Variants in AJAP1 observed in about 807,000 individuals in gnomAD.
The protein encoded by AJAP1 is adherens junction-associated protein 1.
AJAP1 carries 5 observed loss-of-function variants against 35.0 expected under a neutral mutation model. That is an observed-to-expected ratio of 0.14 (90% CI 0.07 to 0.30). AJAP1 has a LOEUF of 0.30. AJAP1 is among the 10% of genes least tolerant of loss of function. The pLI is 1.00. For synonymous variants in AJAP1, 284 were observed against 249.3 expected, an observed-to-expected ratio of 1.14 and a Z score of -1.31; for missense variants, 586 against 571.0, an observed-to-expected ratio of 1.03 and a Z score of -0.27.
intron 1 of AJAP1, among the ~76,000 whole-genome samples, chr1:4,710,717 G>T (rs1640211450): frequency 6.6e-6 from 1 of 152,252 alleles, no homozygotes; most frequent in Non-Finnish European, 1.5e-5. Context: ...CGTGAGGCTG[G>T]TGACGAGAAC....
chr1:4,715,455 G>A (rs987464107), intron 2 of AJAP1, among the ~76,000 whole-genome samples: 18 of 152,210 alleles, frequency 1.2e-4, no homozygotes, highest in Non-Finnish European at 2.2e-4. Context: ...AGGCTGAGGC[G>A]GATGGATCAC....
chr1:4,725,780 A>G (rs899007645), intron 2 of AJAP1, among the ~76,000 whole-genome samples: 1 of 152,088 alleles, frequency 6.6e-6, no homozygotes, highest in African/African-American at 2.4e-5. Context: ...CTTGGCTTGT[A>G]GACCCTGTCT....
chr1:4,689,606 G>A (rs1202458105), intron 1 of AJAP1, among the ~76,000 whole-genome samples: 2 of 152,224 alleles, frequency 1.3e-5, no homozygotes, highest in African/African-American at 4.8e-5. Context: ...AGCTCCGTGG[G>A]TGAGAAGCAC....
Position 4,788,790 on chromosome 1 carries a change from A to C in AJAP1, c.*6305A>C, listed in dbSNP as rs1642209310. 6.6e-6 allele frequency: 1 copy of C among 152,194 alleles called. No individual in the cohort carries two copies. The highest frequency in any genetic ancestry group is 6.5e-5 in the Admixed American group (1 of 15,276). The allele number at this position is 152,194 out of a possible 1,614,324, so 9.4% of individuals were successfully genotyped here. On this transcript the variant is annotated 3_prime_UTR_variant, in exon 6 of 6. Transcript: ENST00000378191. ...CAGTGACCCAAGTGATGTTAGTCTT[A>C]GGGTCCCTAAGGCAGTAGGGCATGG...
chr1:4,755,559 A>G (rs951843260), intron 2 of AJAP1, among the ~76,000 whole-genome samples: 2 of 151,474 alleles, frequency 1.3e-5, no homozygotes, highest in African/African-American at 2.4e-5. Context: ...CTGCCTGCCC[A>G]TGGACTCAGT....
chr1:4,769,359 C>G (rs1165964585), intron 2 of AJAP1, among the ~76,000 whole-genome samples: 1 of 152,176 alleles, frequency 6.6e-6, no homozygotes, highest in Non-Finnish European at 1.5e-5. Context: ...ACTGGCCCAT[C>G]CTGGCTCCCC....
chr1:4,721,731 G>T (rs1403250071), intron 2 of AJAP1, among the ~76,000 whole-genome samples: 1 of 152,160 alleles, frequency 6.6e-6, no homozygotes, highest in African/African-American at 2.4e-5. Flanking sequence ...AGAAAGAAAG[G>T]CCAGACTCTC....
chr1:4,693,758 C>T lies in AJAP1; in HGVS notation c.30-18142C>T, dbSNP rs932118927. ...GCTGGGGCTTCTTGCTGTGTAATCC[C>T]GTGGTGGAAGCAGGAGGGCAAGAGA... is the stretch of plus-strand genomic sequence containing the variant. On this transcript the variant is annotated intron_variant, in intron 1 of 5. Coordinates refer to ENST00000378191, the MANE Select transcript of AJAP1 (RefSeq NM_018836.4). The surrounding 1 kb of genome is among the most constrained non-coding windows in gnomAD (Gnocchi z 4.4). Among the ~76,000 whole-genome samples, 3 of 152,156 alleles carry T rather than the reference C, an allele frequency of 2.0e-5. No individual in the cohort carries two copies. The highest frequency in any genetic ancestry group is 2.9e-5 in the Non-Finnish European group (2 of 68,032).
intron 2 of AJAP1, among the ~76,000 whole-genome samples, chr1:4,716,114 G>A (rs1640383447): frequency 1.3e-5 from 2 of 152,234 alleles, no homozygotes; most frequent in Admixed American, 6.5e-5. Flanking sequence ...GTTGCTGGGT[G>A]CAGAGAGGAA....
intron 2 of AJAP1, among the ~76,000 whole-genome samples, chr1:4,739,179 C>A (rs1156957194): frequency 2.6e-5 from 4 of 152,190 alleles, no homozygotes; most frequent in Non-Finnish European, 5.9e-5. Flanking sequence ...CCTGGGGGTG[C>A]CCTTCCACAA....
rs1290839904 is a variant in AJAP1, at chr1:4,783,467, GTGTGTATATATATA to G, written c.*984_*997del. Reference sequence around the variant, plus strand: ...AAGAATGCCAAGGTTTTATATATGTGTGTGTATATATATATATATATATATATATATATATATAT... The same window carrying G: ...AAGAATGCCAAGGTTTTATATATGTGTATATATATATATATATATATATAT... On this transcript the variant is annotated 3_prime_UTR_variant, in exon 6 of 6. Coordinates refer to ENST00000378191, the MANE Select transcript of AJAP1 (RefSeq NM_018836.4). The G allele has an allele frequency of 2.9e-4, 9 of 31,364 alleles. No homozygotes were observed. Among genetic ancestry groups the G allele is most frequent in the African/African-American group, 2.1e-3 (9 of 4,316 alleles). 1.9% of individuals were successfully genotyped at this position (31,364 alleles called of 1,614,324 possible).
intron 2 of AJAP1, among the ~76,000 whole-genome samples, chr1:4,738,938 G>A (rs1342172337): frequency 6.6e-6 from 1 of 152,156 alleles, no homozygotes; most frequent in Non-Finnish European, 1.5e-5. Context: ...TGACCACTTA[G>A]GAGGAGAAGG....
rs1412411551 is a variant in AJAP1 at position 4,792,334 on chromosome 1, G to C, written c.*9849G>C. On this transcript the variant is annotated 3_prime_UTR_variant, in exon 6 of 6. Transcript: ENST00000378191. The stretch of plus-strand genomic sequence containing the variant: ...CAAAAATGACACAATATATGTGGGT[G>C]GGGGGCGGGGGGCAGGTGGCTGGGT... 2 of 132,176 alleles carry C rather than the reference G, an allele frequency of 1.5e-5. No homozygotes were observed. The highest frequency in any genetic ancestry group is 5.6e-5 in the African/African-American group (2 of 35,652). The allele number at this position is 132,176 out of a possible 1,614,324, so 8.2% of individuals were successfully genotyped here.
chr1:4,675,275 C>G (rs1639338470), intron 1 of AJAP1, among the ~76,000 whole-genome samples: 1 of 152,242 alleles, frequency 6.6e-6, no homozygotes, highest in Admixed American at 6.5e-5. Flanking sequence ...AGCCGTCATA[C>G]TCACAGTAAT....
chr1:4,695,468 A>G (rs145314659), intron 1 of AJAP1, among the ~76,000 whole-genome samples: 1 of 152,340 alleles, frequency 6.6e-6, no homozygotes, highest in East Asian at 1.9e-4. Context: ...CTGCAAACAC[A>G]GTACCTCGAG....
chr1:4,670,392 T>C (rs4654583), intron 1 of AJAP1, among the ~76,000 whole-genome samples: 74,221 of 152,058 alleles, frequency 0.49, 19,226 homozygotes, highest in Middle Eastern at 0.67. Flanking sequence ...CCTTTCCCCT[T>C]TTCCTGGACC....
chr1:4,657,657 G>T (rs1053489838), intron 1 of AJAP1, among the ~76,000 whole-genome samples: 2 of 143,662 alleles, frequency 1.4e-5, no homozygotes, highest in African/African-American at 5.0e-5. Flanking sequence ...AGCTGGGGTG[G>T]CAGAAGGCCT....
intron 1 of AJAP1, among the ~76,000 whole-genome samples, chr1:4,706,944 G>C (rs1011637711): frequency 6.6e-6 from 1 of 152,172 alleles, no homozygotes; most frequent in South Asian, 2.1e-4. Context: ...TGGGGAGCAG[G>C]GGGTGGTGGC....
At chr1:4,743,212 G>A (rs1220141378) in intron 2 of AJAP1, among the ~76,000 whole-genome samples, 1 of 152,154 alleles carries the variant, frequency 6.6e-6, no homozygotes, top group Non-Finnish European at 1.5e-5. Context: ...AGTGATTTTG[G>A]CTCTTTCCTG....
Sources: allele counts gnomAD v4.1 joint callset (sites outside exome capture counted in the v4.1 genomes callset), GRCh38; gene constraint gnomAD v4.1.1; non-coding constraint Gnocchi (gnomAD v3.1); transcripts MANE v1.5; gene names NCBI Gene and HGNC (gene_info 2026-07-23, HGNC 2026-07-21).